The following DIAPH2 variants were observed in gnomAD, a reference collection of about 807,000 sequenced individuals.
DIAPH2 encodes diaphanous related formin 2.
Under a neutral mutation model 92.7 loss-of-function variants are expected in DIAPH2, and 35 were observed. The ratio of observed to expected loss-of-function variants is 0.38; its 90% confidence interval spans 0.29 to 0.50. DIAPH2 has a LOEUF of 0.50. Ranked by LOEUF, DIAPH2 falls within the 20% of genes least tolerant of loss-of-function variation. The probability of loss-of-function intolerance (pLI) is 0.94; values close to 1 mark genes in which losing one functional copy is unlikely to be tolerated. For synonymous variants in DIAPH2, 301 were observed against 280.4 expected (o/e 1.07, Z -0.73); for missense variants, 701 against 819.5 (o/e 0.86, Z 1.77).
intron 4 of DIAPH2, among the ~76,000 whole-genome samples, chrX:96,765,108 T>C (rs771729283): frequency 2.7e-4 from 30 of 110,596 alleles, no homozygotes; most frequent in African/African-American, 9.2e-4. Context: ...AGCAGTACCC[T>C]CTTATCTGTG....
chrX:96,727,574 A>G (rs1203072089), intron 1 of DIAPH2, among the ~76,000 whole-genome samples: 3 of 111,925 alleles, frequency 2.7e-5, no homozygotes, highest in Non-Finnish European at 3.8e-5. Context: ...TCCCTACCCA[A>G]CAATTAGGCC....
chrX:97,428,655 T>G (rs1224170788), intron 25 of DIAPH2, among the ~76,000 whole-genome samples: 2 of 111,732 alleles, frequency 1.8e-5, no homozygotes, highest in African/African-American at 6.5e-5. Context: ...CTTTCCCTCT[T>G]CCCTCCTTCT....
rs1347344927 is a variant in DIAPH2, at chrX:97,579,039, T to G, written c.3242-20214T>G. Among the ~76,000 whole-genome samples the G allele has an allele frequency of 3.9e-3, 397 of 102,671 alleles. 3 individuals are homozygous for G. Among genetic ancestry groups the G allele is most frequent in the African/African-American group, 0.013 (377 of 28,372 alleles). The allele number at this position is 102,671 out of a possible 115,157, so 89.2% of individuals were successfully genotyped here. On this transcript the variant is annotated intron_variant, in intron 26 of 26. Coordinates refer to ENST00000324765, the MANE Select transcript of DIAPH2 (RefSeq NM_006729.5). Reference sequence around the variant, plus strand: ...GGTTGTTTGTTTTTTTCTTGTAAATTTGTTTGAGTTCATTGTAGATTCTGG... The same window carrying G: ...GGTTGTTTGTTTTTTTCTTGTAAATGTGTTTGAGTTCATTGTAGATTCTGG...
At chrX:96,717,549 T>G (rs1325283214) in intron 1 of DIAPH2, among the ~76,000 whole-genome samples, 2 of 106,707 alleles carry the variant, frequency 1.9e-5, no homozygotes, top group African/African-American at 6.8e-5. Context: ...TTTTTTTTTT[T>G]GCTGTGAAAT....
intron 17 of DIAPH2, among the ~76,000 whole-genome samples, chrX:97,009,343 G>A (rs772901548): frequency 8.9e-6 from 1 of 111,842 alleles, no homozygotes; most frequent in East Asian, 2.8e-4. Context: ...TCTGGCACAG[G>A]GCAGGTCCAG....
At chrX:96,733,965 C>G (rs2064071312) in intron 1 of DIAPH2, among the ~76,000 whole-genome samples, 1 of 111,915 alleles carries the variant, frequency 8.9e-6, no homozygotes, top group Non-Finnish European at 1.9e-5. Context: ...GTTTCTACCT[C>G]TATACTCTGT....
At chrX:97,375,411 G>A (rs1361044430) in intron 24 of DIAPH2, among the ~76,000 whole-genome samples, 2 of 111,001 alleles carry the variant, frequency 1.8e-5, no homozygotes, top group Non-Finnish European at 3.8e-5. Flanking sequence ...AGCCAAGATC[G>A]TGCCATTGCA....
In DIAPH2 at chrX:96,696,326, C is replaced by T. The variant is rs759180196; in HGVS notation, c.132+11136C>T. Among the ~76,000 whole-genome samples, 3 of 112,235 alleles carry T rather than the reference C, an allele frequency of 2.7e-5. No individual in the cohort carries two copies. In the South Asian group the frequency reaches 1.1e-3, roughly 42 times the overall value. ...TTTAAAAATGTGACTCTGGACAAGT[C>T]TTTTATTTTTCTTCTCTCTGGGTGT... is the stretch of plus-strand genomic sequence containing the variant. On this transcript the variant is annotated intron_variant, in intron 1 of 26. Coordinates refer to ENST00000324765, the MANE Select transcript of DIAPH2 (RefSeq NM_006729.5).
intron 1 of DIAPH2, among the ~76,000 whole-genome samples, chrX:96,698,469 G>GA (rs1249402693): frequency 5.4e-5 from 6 of 111,375 alleles, no homozygotes; most frequent in Middle Eastern, 4.7e-3. Context: ...TTAGTTTGCA[G>GA]AAAGTGTTGT....
intron 21 of DIAPH2, among the ~76,000 whole-genome samples, chrX:97,123,852 G>GC (rs2067073983): frequency 1.8e-5 from 2 of 112,618 alleles, no homozygotes; most frequent in African/African-American, 6.4e-5. Flanking sequence ...GCAAGTCAGT[G>GC]CTTTATCCCA....
chrX:96,983,514 A>G (rs1425799889), intron 17 of DIAPH2, among the ~76,000 whole-genome samples: 2 of 112,306 alleles, frequency 1.8e-5, no homozygotes, highest in Non-Finnish European at 3.8e-5. Context: ...GCTCTCTTAA[A>G]TTGTTTAATA....
intron 19 of DIAPH2, among the ~76,000 whole-genome samples, chrX:97,089,690 G>A (rs991514197): frequency 9.0e-6 from 1 of 111,051 alleles, no homozygotes; most frequent in African/African-American, 3.3e-5. Context: ...AAATAAACAC[G>A]AACACATATT....
intron 22 of DIAPH2, among the ~76,000 whole-genome samples, chrX:97,194,129 G>T (rs2067677772): frequency 9.0e-6 from 1 of 110,657 alleles, no homozygotes; most frequent in Admixed American, 9.7e-5. Context: ...AGAACCTCAG[G>T]TCATATGACT....
At chrX:96,797,498 A>G (rs1319986264) in intron 4 of DIAPH2, among the ~76,000 whole-genome samples, 1 of 111,545 alleles carries the variant, frequency 9.0e-6, no homozygotes, top group African/African-American at 3.3e-5. Flanking sequence ...AAAAATAAAA[A>G]GAGGTTTAAT....
intron 22 of DIAPH2, among the ~76,000 whole-genome samples, chrX:97,223,457 G>A (rs1457189974): frequency 9.0e-6 from 1 of 110,939 alleles, no homozygotes; most frequent in Admixed American, 9.7e-5. Flanking sequence ...GTAGAAAATG[G>A]TAGATCATTC....
Position 97,096,938 on chromosome X carries a change from T to TC in DIAPH2, c.2248-2754dup, listed in dbSNP as rs907368341. Reference sequence around the variant, plus strand: ...ATGTCTTTCCTGGGAGCCCCCTTAGTCCACTACACAAACAGACTTCAGGCT... The same window carrying TC: ...ATGTCTTTCCTGGGAGCCCCCTTAGTCCCACTACACAAACAGACTTCAGGCT... On this transcript the variant is annotated intron_variant, in intron 19 of 26. Coordinates refer to ENST00000324765, the MANE Select transcript of DIAPH2 (RefSeq NM_006729.5). 2.7e-5 allele frequency among the ~76,000 whole-genome samples: 3 copies of TC among 111,215 alleles called. No homozygotes were observed. In the Admixed American group the frequency reaches 2.9e-4, roughly 11 times the overall value.
intron 4 of DIAPH2, among the ~76,000 whole-genome samples, chrX:96,819,082 C>T (rs998440794): frequency 1.6e-4 from 18 of 112,109 alleles, no homozygotes; most frequent in South Asian, 3.8e-4. Flanking sequence ...CTCATTGGCC[C>T]GCTGCTCACC....
chrX:96,834,261 A>G (rs1473300004), intron 4 of DIAPH2, among the ~76,000 whole-genome samples: 1 of 111,578 alleles, frequency 9.0e-6, no homozygotes, highest in African/African-American at 3.3e-5. Flanking sequence ...GTGATGCTCA[A>G]CTGGTGGGTA....
chrX:97,272,391 C>G lies in DIAPH2; in HGVS notation c.2844+24552C>G, dbSNP rs191589509. On this transcript the variant is annotated intron_variant, in intron 23 of 26. Coordinates refer to ENST00000324765, the MANE Select transcript of DIAPH2 (RefSeq NM_006729.5). ...AACATCACGCATTTATTTGTGCTAC[C>G]TAACATAATTAGCCATGATAGAAAA... Among the ~76,000 whole-genome samples the G allele has an allele frequency of 4.8e-4, 54 of 111,719 alleles. 1 individual carries two copies. The highest frequency in any genetic ancestry group is 4.5e-3 in the Admixed American group (47 of 10,411).
Sources: gnomAD v4.1 joint callset for allele counts (sites outside exome capture counted in the v4.1 genomes callset) on GRCh38, gnomAD v4.1.1 for gene constraint, MANE v1.5 for transcripts, NCBI Gene and HGNC (gene_info 2026-07-23, HGNC 2026-07-21) for gene names.